The following DNAH5 variants were observed in gnomAD, a reference collection of about 807,000 sequenced individuals.
DNAH5 encodes axonemal beta dynein heavy chain 5.
A neutral mutation model predicts 518.2 loss-of-function variants in DNAH5; 372 were observed. That is an observed-to-expected ratio of 0.72 (90% CI 0.66 to 0.78). The LOEUF is 0.78. DNAH5 is among the 30% of genes least tolerant of loss of function. The probability of loss-of-function intolerance (pLI) is 0.00; values close to 1 mark genes in which losing one functional copy is unlikely to be tolerated. For synonymous variants in DNAH5, 2,039 were observed against 2,025.9 expected (o/e 1.01, Z -0.17); for missense variants, 5,523 against 5,687.0 (o/e 0.97, Z 0.93).
At chr5:13,870,548 T>C (rs931876652) in intron 24 of DNAH5, among the ~76,000 whole-genome samples, 1 of 152,136 alleles carries the variant, frequency 6.6e-6, no homozygotes, top group African/African-American at 2.4e-5. Flanking sequence ...GAAATCTTTA[T>C]CTCAGGCTCT....
intron 43 of DNAH5, among the ~76,000 whole-genome samples, chr5:13,812,182 T>C (rs1451888572): frequency 1.3e-5 from 2 of 152,040 alleles, no homozygotes; most frequent in Non-Finnish European, 2.9e-5. Flanking sequence ...TGCTCACAGA[T>C]GGAGAAATAG....
intron 1 of DNAH5, 143 bp from the exon 2 acceptor site, chr5:13,931,387 T>C (rs1047166671): frequency 2.5e-6 from 2 of 790,766 alleles, no homozygotes; most frequent in Non-Finnish European, 4.0e-6. Flanking sequence ...TTTTATGTAC[T>C]ATCTTCTATT....
chr5:13,810,948 G>A (rs1442027590), intron 44 of DNAH5, among the ~76,000 whole-genome samples: 4 of 152,088 alleles, frequency 2.6e-5, no homozygotes, highest in African/African-American at 9.7e-5. Flanking sequence ...TGGAACTGGA[G>A]GTTATTATGT....
intron 75 of DNAH5, among the ~76,000 whole-genome samples, chr5:13,713,297 AC>A (rs1382481393): frequency 1.1e-4 from 16 of 147,082 alleles, no homozygotes; most frequent in African/African-American, 4.0e-4. Context: ...ACATATATAT[AC>A]CGACATATAT....
intron 58 of DNAH5, among the ~76,000 whole-genome samples, chr5:13,767,171 C>T (rs1443994940): frequency 6.6e-6 from 1 of 152,198 alleles, no homozygotes; most frequent in African/African-American, 2.4e-5. Context: ...GTCACCCAGG[C>T]TGGAGTGCAC....
intron 61 of DNAH5, among the ~76,000 whole-genome samples, chr5:13,755,520 C>T (rs765218724): frequency 6.6e-6 from 1 of 152,154 alleles, no homozygotes; most frequent in Admixed American, 6.5e-5. Flanking sequence ...TAATGTTCAT[C>T]TCCAGGGTTA....
chr5:14,007,680 A>T (rs1269219902), intron 1 of DNAH5, among the ~76,000 whole-genome samples: 1 of 152,150 alleles, frequency 6.6e-6, no homozygotes, highest in Admixed American at 6.5e-5. Context: ...TCCTTTCTCA[A>T]TACACTGACT....
chr5:13,984,481 C>T (rs1478157626), intron 1 of DNAH5, among the ~76,000 whole-genome samples: 1 of 152,172 alleles, frequency 6.6e-6, no homozygotes. Context: ...CAAACAGGGA[C>T]AATTTGACTT....
At chr5:13,697,369 C>T (rs1741524431) in intron 78 of DNAH5, among the ~76,000 whole-genome samples, 2 of 152,268 alleles carry the variant, frequency 1.3e-5, no homozygotes, top group South Asian at 4.1e-4. Flanking sequence ...ACACCATGTG[C>T]CAAGCAGTGT....
At chr5:13,965,572 C>T (rs1781473995) in intron 1 of DNAH5, among the ~76,000 whole-genome samples, 1 of 152,182 alleles carries the variant, frequency 6.6e-6, no homozygotes, top group African/African-American at 2.4e-5. Flanking sequence ...GAGAGAACTG[C>T]ATCAGTCTCT....
chr5:13,998,745 A>G (rs1256406541), intron 1 of DNAH5, among the ~76,000 whole-genome samples: 1 of 152,234 alleles, frequency 6.6e-6, no homozygotes, highest in Non-Finnish European at 1.5e-5. Flanking sequence ...AAATAGTCCA[A>G]AAAACTCTTG....
chr5:13,764,833 T>C (rs969819446), intron 59 of DNAH5, among the ~76,000 whole-genome samples: 3 of 152,236 alleles, frequency 2.0e-5, no homozygotes, highest in Non-Finnish European at 2.9e-5. Flanking sequence ...AAGCATATTA[T>C]AGTGTTTCAC....
chr5:13,917,904 T>A (rs1319459550), intron 7 of DNAH5, among the ~76,000 whole-genome samples: 2 of 152,192 alleles, frequency 1.3e-5, no homozygotes, highest in Admixed American at 6.5e-5. Context: ...TTATTACGTA[T>A]CAAAACATGC....
At chr5:13,876,651 A>G (rs1295295351) in intron 22 of DNAH5, 33 bp downstream of exon 22, 2 of 1,608,708 alleles carry the variant, frequency 1.2e-6, no homozygotes, top group East Asian at 2.2e-5. Flanking sequence ...GTTGCAAAGC[A>G]AAAGGTCCGG....
chr5:13,725,881 T>C (rs1026829364), intron 70 of DNAH5, among the ~76,000 whole-genome samples: 4 of 152,148 alleles, frequency 2.6e-5, no homozygotes, highest in African/African-American at 9.7e-5. Context: ...CTTGAACCCC[T>C]GACCTCGTGA....
intron 73 of DNAH5, among the ~76,000 whole-genome samples, 188 bp from the exon 74 acceptor site, chr5:13,716,878 A>G (rs900406004): frequency 6.6e-6 from 1 of 152,242 alleles, no homozygotes; most frequent in Admixed American, 6.5e-5. Context: ...GCTCAGGTCC[A>G]TGATTTGAAA....
intron 78 of DNAH5, among the ~76,000 whole-genome samples, chr5:13,693,111 G>C (rs190982573): frequency 6.6e-6 from 1 of 152,236 alleles, no homozygotes; most frequent in East Asian, 1.9e-4. Flanking sequence ...TTCTCTTCCA[G>C]ATTATACATT....
intron 65 of DNAH5, among the ~76,000 whole-genome samples, chr5:13,737,754 A>C (rs553288773): frequency 3.8e-4 from 57 of 151,862 alleles, no homozygotes; most frequent in African/African-American, 1.3e-3. Flanking sequence ...GTAAAACCCC[A>C]TCTCTACTAA....
intron 1 of DNAH5, among the ~76,000 whole-genome samples, chr5:13,988,970 G>A (rs753422046): frequency 2.6e-5 from 4 of 151,890 alleles, no homozygotes; most frequent in Non-Finnish European, 4.4e-5. Context: ...CTTGTGATTC[G>A]CCCACCTCGA....
Sources: allele counts gnomAD v4.1 joint callset (sites outside exome capture counted in the v4.1 genomes callset), GRCh38; gene constraint gnomAD v4.1.1; transcripts MANE v1.5; gene names NCBI Gene and HGNC (gene_info 2026-07-23, HGNC 2026-07-21).